Variants in GFI1 observed in about 807,000 individuals in gnomAD.
GFI1 encodes growth factor independent 1 transcriptional repressor.
A neutral mutation model predicts 39.2 loss-of-function variants in GFI1; 15 were observed. The observed-to-expected ratio is 0.38, with a 90% confidence interval of 0.26 to 0.59. GFI1 has a LOEUF of 0.59. Among genes scored for constraint, GFI1 ranks in the 20% least tolerant of loss-of-function variants. GFI1 has a pLI of 0.62. For synonymous variants in GFI1, 239 were observed against 254.3 expected (o/e 0.94, Z 0.57); for missense variants, 475 against 574.0 (o/e 0.83, Z 1.76).
At position 92,480,676 on chromosome 1, in the gene GFI1, G is replaced by A. The variant is rs1323824501; in HGVS notation, c.711C>T (p.Val237=). ...HGLHADKGAG[V]KVESELLCTR... ...TGCACAGCAGCTCCGACTCCACCTTGACGCCAGCGCCCTTGTCTGCGTGCA... is the reference window on the plus strand; with the variant it reads ...TGCACAGCAGCTCCGACTCCACCTTAACGCCAGCGCCCTTGTCTGCGTGCA... The change falls in exon 4 of 7, where the codon GTC becomes GTT. Residue 237 remains valine (V), a synonymous_variant. Transcript: ENST00000294702. The surrounding 1 kb of genome is among the most constrained non-coding windows in gnomAD (Gnocchi z 5.6). The A allele has an allele frequency of 1.3e-6, 2 of 1,596,274 alleles. No individual in the cohort carries two copies. The highest frequency in any genetic ancestry group is 2.7e-5 in the African/African-American group (2 of 74,868).
chr1:92,479,655 C>A (rs180758576), intron 5 of GFI1, among the ~76,000 whole-genome samples: 1 of 152,106 alleles, frequency 6.6e-6, no homozygotes, highest in African/African-American at 2.4e-5. Context: ...AGTTCGTGAC[C>A]AGCCTGGCTA....
intron 6 of GFI1, among the ~76,000 whole-genome samples, chr1:92,476,445 A>G (rs1440174176): frequency 1.3e-5 from 2 of 152,204 alleles, no homozygotes; most frequent in East Asian, 3.9e-4. Context: ...GTTCCCAGCC[A>G]AAGGCCTCAA....
In GFI1 at chr1:92,475,800, A is replaced by G. The variant is rs4970714; in HGVS notation, c.*229T>C. ...GAGCCTATTTGTGTCCGAAGCCTAG[A>G]GAGTCACTTGGTTCTCACTCTCGGC... On this transcript the variant is annotated 3_prime_UTR_variant, in exon 7 of 7. Transcript: ENST00000294702. 403,677 of 574,372 alleles carry G rather than the reference A, an allele frequency of 0.7. 144,747 individuals are homozygous for G. The highest frequency in any genetic ancestry group is 0.96 in the East Asian group (32,234 of 33,682). 35.6% of individuals were successfully genotyped at this position (574,372 alleles called of 1,614,324 possible).
At chr1:92,476,858 A>G (rs1381523126) in intron 6 of GFI1, among the ~76,000 whole-genome samples, 1 of 152,294 alleles carries the variant, frequency 6.6e-6, no homozygotes, top group East Asian at 1.9e-4. Flanking sequence ...TGGGCCACAA[A>G]GGATTAAGGC....
In GFI1 at chr1:92,480,453, G is replaced by A; in HGVS notation, c.819C>T (p.His273=). The A allele has an allele frequency of 6.5e-7, 1 of 1,550,348 alleles. No individual in the cohort carries two copies. Among genetic ancestry groups the A allele is most frequent in the South Asian group, 1.2e-5 (1 of 84,056 alleles). ...TGGTACCGCTGTGGGACCTGCGCAC[G>A]TGCACCTCGAGCCCGTGCGGCGTGG... is the stretch of plus-strand genomic sequence containing the variant. ...VFSTPHGLEV[H]VRRSHSGTRP... The change falls in exon 5 of 7, where the codon CAC becomes CAT. Residue 273 remains histidine (H), a synonymous_variant. Transcript: ENST00000294702. This position sits in a 1 kb window ranked among gnomAD's most constrained non-coding sequence, Gnocchi z 5.6.
intron 1 of GFI1, 106 bp from the exon 2 acceptor site, chr1:92,483,692 G>C: frequency 1.6e-6 from 1 of 621,126 alleles, no homozygotes; most frequent in Non-Finnish European, 2.9e-6. Context: ...GCGCGCAGAG[G>C]GCCCACGGGA....
At position 92,480,539 on chromosome 1, in the gene GFI1, G is replaced by T; in HGVS notation, c.787-54C>A. ...CGCTGAGAGGGGCCGCGGGGCGCAG[G>T]CGAGGCGCGGGTAGGGGAAGCGGGC... On this transcript the variant is annotated intron_variant, in intron 4 of 6. Transcript: ENST00000294702. This position sits in a 1 kb window ranked among gnomAD's most constrained non-coding sequence, Gnocchi z 5.6. 6.5e-7 allele frequency: 1 copy of T among 1,545,946 alleles called. No individual in the cohort carries two copies. Among genetic ancestry groups the T allele is most frequent in the Admixed American group, 2.0e-5 (1 of 50,930 alleles).
chr1:92,480,839 C>T lies in GFI1; in HGVS notation c.548G>A (p.Gly183Glu). Residue 183 changes from glycine to glutamate, a missense_variant, in exon 4 of 7, where the codon GGG becomes GAG. This residue lies in a region of GFI1 where 275 missense variants were observed against 275.8 expected (regional missense o/e 1.00). Transcript: ENST00000294702. The surrounding 1 kb of genome is among the most constrained non-coding windows in gnomAD (Gnocchi z 5.6). ...GGCACCGGCCCCTGCGCTGCAGCTCCCTGGCGCCCCGGCCCCCGCGCCGCC... is the reference window on the plus strand; with the variant it reads ...GGCACCGGCCCCTGCGCTGCAGCTCTCTGGCGCCCCGGCCCCCGCGCCGCC... The part of the protein sequence containing the change: ...AAGGAGAGAP[G>E]SCSAGAGATA... The T allele has an allele frequency of 1.3e-6, 2 of 1,506,196 alleles. No individual in the cohort carries two copies. Among genetic ancestry groups the T allele is most frequent in the South Asian group, 1.3e-5 (1 of 78,650 alleles). The allele number at this position is 1,506,196 out of a possible 1,614,324, so 93.3% of individuals were successfully genotyped here.
intron 6 of GFI1, among the ~76,000 whole-genome samples, chr1:92,476,696 G>C (rs1415440338): frequency 6.6e-6 from 1 of 152,146 alleles, no homozygotes; most frequent in Non-Finnish European, 1.5e-5. Flanking sequence ...CTTCTTTCTT[G>C]TTCTTGAAGG....
Position 92,473,062 on chromosome 1 carries a change from A to G in GFI1, c.*2967T>C, listed in dbSNP as rs957434919. ...ATGGAATATTCACAATCTATTTTTA[A>G]TGGAGTCAAGTAATAACATTAAGAG... On this transcript the variant is annotated 3_prime_UTR_variant, in exon 7 of 7. Transcript: ENST00000294702. Among the ~76,000 whole-genome samples, 4 of 152,276 alleles carry G rather than the reference A, an allele frequency of 2.6e-5. No individual in the cohort carries two copies. The highest frequency in any genetic ancestry group is 3.4e-3 in the Middle Eastern group (1 of 294).
At position 92,480,373 on chromosome 1, in the gene GFI1, T is replaced by A. The variant is rs1424937688; in HGVS notation, c.899A>T (p.Glu300Val). 9 of 1,550,110 alleles carry A rather than the reference T, an allele frequency of 5.8e-6. No homozygotes were observed. Among genetic ancestry groups the A allele is most frequent in the Non-Finnish European group, 7.8e-6 (9 of 1,146,648 alleles). Residue 300 changes from glutamate to valine, a missense_variant, in exon 5 of 7, where the codon GAG becomes GTG. Physicochemically the swap from Glu to Val is moderately radical, Grantham distance 121. Around this residue, in one of 4 missense-constraint regions of GFI1, gnomAD observed 112 missense variants for 202.8 expected, o/e 0.55. Transcript: ENST00000294702. The surrounding 1 kb of genome is among the most constrained non-coding windows in gnomAD (Gnocchi z 5.6). ...CTGCGAGTGCACGGCTTTGTGCTGC[T>A]CCAGGCTCACCGCGTGCCCGAAGGT... Reference protein sequence around the residue: ...GKTFGHAVSLEQHKAVHSQER... With the variant: ...GKTFGHAVSLVQHKAVHSQER...
chr1:92,485,622 T>C (rs1414007812), intron 1 of GFI1, among the ~76,000 whole-genome samples: 2 of 152,130 alleles, frequency 1.3e-5, no homozygotes, highest in African/African-American at 4.8e-5. Context: ...GCGCTGCAGC[T>C]GGCGCGGGAG....
intron 1 of GFI1, among the ~76,000 whole-genome samples, chr1:92,485,639 C>T (rs563559705): frequency 2.6e-5 from 4 of 152,168 alleles, no homozygotes; most frequent in African/African-American, 9.6e-5. Context: ...GGAGGTGGGG[C>T]GGCCCCTCCG....
chr1:92,482,400 G>T lies in GFI1; in HGVS notation c.298+464C>A, dbSNP rs891108254. Among the ~76,000 whole-genome samples, 1 of 127,906 alleles carries T rather than the reference G, an allele frequency of 7.8e-6. No individual in the cohort carries two copies. The highest frequency in any genetic ancestry group is 3.2e-5 in the African/African-American group (1 of 31,552). 83.9% of individuals were successfully genotyped at this position (127,906 alleles called of 152,430 possible). A position where few individuals can be genotyped will look rare whatever the true frequency, so the allele number is the denominator to read the frequency against. On this transcript the variant is annotated intron_variant, in intron 3 of 6. Transcript: ENST00000294702. The surrounding 1 kb of genome is among the most constrained non-coding windows in gnomAD (Gnocchi z 4.4). Reference sequence around the variant, plus strand: ...CCCAATCTGCGCCTGTGAAGACCAAGCCGCGGGCTGAGATTTTCGTCCTGC... The same window carrying T: ...CCCAATCTGCGCCTGTGAAGACCAATCCGCGGGCTGAGATTTTCGTCCTGC...
Position 92,476,227 on chromosome 1 carries a change from AG to A in GFI1, c.1091-21del. On this transcript the variant is annotated intron_variant, in intron 6 of 6. Transcript: ENST00000294702. ...TCTCACCTGTGGGGATGGGAGGGGGAGGGGAGAAAGTATGAGTCTATGATAA... is the reference window on the plus strand; with the variant it reads ...TCTCACCTGTGGGGATGGGAGGGGGAGGGAGAAAGTATGAGTCTATGATAA... The A allele has an allele frequency of 1.3e-6, 2 of 1,596,832 alleles. No individual in the cohort carries two copies. Among genetic ancestry groups the A allele is most frequent in the South Asian group, 2.2e-5 (2 of 89,312 alleles).
Position 92,480,729 on chromosome 1 carries a change from A to G in GFI1, c.658T>C (p.Leu220=), listed in dbSNP as rs1330053988. 3 of 1,592,466 alleles carry G rather than the reference A, an allele frequency of 1.9e-6. No homozygotes were observed. Among genetic ancestry groups the G allele is most frequent in the Non-Finnish European group, 2.6e-6 (3 of 1,176,040 alleles). The change falls in exon 4 of 7, where the codon TTG becomes CTG. Residue 220 remains leucine (L), a synonymous_variant. Coordinates refer to ENST00000294702, the MANE Select transcript of GFI1 (RefSeq NM_005263.5). The surrounding 1 kb of genome is among the most constrained non-coding windows in gnomAD (Gnocchi z 5.6). ...LYERPTAAAG[L]LYPERGHGLH... is the part of the protein sequence containing the mutation. ...CCGTGGCCACGCTCGGGGTACAGCA[A>G]GCCCGCCGCTGCCGTGGGCCTCTCA...
At position 92,480,875 on chromosome 1, in the gene GFI1, T is replaced by C. The variant is rs1185858612; in HGVS notation, c.512A>G (p.Lys171Arg). Residue 171 changes from lysine (K) to arginine (R), a missense_variant, in exon 4 of 7, where the codon AAG becomes AGG. Physicochemically the swap from Lys to Arg is conservative, Grantham distance 26. Around this residue, in one of 4 missense-constraint regions of GFI1, gnomAD observed 275 missense variants for 275.8 expected, o/e 1.00. Coordinates refer to ENST00000294702, the MANE Select transcript of GFI1 (RefSeq NM_005263.5). This position sits in a 1 kb window ranked among gnomAD's most constrained non-coding sequence, Gnocchi z 5.6. ...PGHPAALYGP[K>R]RAAGGAGAGA... is the part of the protein sequence containing the mutation. ...GGCCCCCGCGCCGCCGGCAGCCCGCTTCGGGCCGTACAGCGCGGCCGGGTG... is the reference window on the plus strand; with the variant it reads ...GGCCCCCGCGCCGCCGGCAGCCCGCCTCGGGCCGTACAGCGCGGCCGGGTG... 1.3e-6 allele frequency: 2 copies of C among 1,482,110 alleles called. No individual in the cohort carries two copies. Among genetic ancestry groups the C allele is most frequent in the African/African-American group, 1.5e-5 (1 of 67,888 alleles). 91.8% of individuals were successfully genotyped at this position (1,482,110 alleles called of 1,614,324 possible). A position where few individuals can be genotyped will look rare whatever the true frequency, so the allele number is the denominator to read the frequency against.
In GFI1 at chr1:92,475,755, C is replaced by A; in HGVS notation, c.*274G>T. ...TATTCTGGTCCCCATTTGACTTTGC[C>A]TTTGTCTTCAGGTGTAGAGGAGCCT... is the stretch of plus-strand genomic sequence containing the variant. On this transcript the variant is annotated 3_prime_UTR_variant, in exon 7 of 7. Transcript: ENST00000294702. The A allele has an allele frequency of 2.0e-6, 1 of 491,704 alleles. No individual in the cohort carries two copies. The highest frequency in any genetic ancestry group is 3.7e-6 in the Non-Finnish European group (1 of 268,062). 30.5% of individuals were successfully genotyped at this position (491,704 alleles called of 1,614,324 possible).
chr1:92,481,148 G>C lies in GFI1; in HGVS notation c.299-60C>G. On this transcript the variant is annotated intron_variant, in intron 3 of 6. Transcript: ENST00000294702. This position sits in a 1 kb window ranked among gnomAD's most constrained non-coding sequence, Gnocchi z 4.3. Reference sequence around the variant, plus strand: ...TCAGACGGCAGAGCGGAGGCCGCCGGGCTGCGGCTGCGAGCGTGGCGTGTT... The same window carrying C: ...TCAGACGGCAGAGCGGAGGCCGCCGCGCTGCGGCTGCGAGCGTGGCGTGTT... The C allele has an allele frequency of 7.0e-7, 1 of 1,423,882 alleles. No individual in the cohort carries two copies. The allele number at this position is 1,423,882 out of a possible 1,614,324, so 88.2% of individuals were successfully genotyped here.
Sources: allele counts gnomAD v4.1 joint callset (sites outside exome capture counted in the v4.1 genomes callset), GRCh38; gene constraint gnomAD v4.1.1; regional missense constraint gnomAD v4.1.1; non-coding constraint Gnocchi (gnomAD v3.1); transcripts MANE v1.5; gene names NCBI Gene and HGNC (gene_info 2026-07-23, HGNC 2026-07-21).